The following GABRG1 variants were observed in gnomAD, a reference collection of about 807,000 sequenced individuals.
GABRG1 encodes gamma-aminobutyric acid type A receptor subunit gamma1.
In GABRG1, 49 loss-of-function variants were observed where a neutral mutation model predicts 49.8. That is an observed-to-expected ratio of 0.98 (90% CI 0.78 to 1.25). The LOEUF is 1.25. Among genes scored for constraint, GABRG1 ranks in the 50% most tolerant of loss-of-function variants. GABRG1 has a pLI of 0.00. For synonymous variants in GABRG1, 232 were observed against 185.1 expected (o/e 1.25, Z -2.06); for missense variants, 552 against 552.3 (o/e 1.00, Z 0.01).
At chr4:46,115,585 A>G (rs1720859145) in intron 1 of GABRG1, among the ~76,000 whole-genome samples, 1 of 150,854 alleles carries the variant, frequency 6.6e-6, no homozygotes, top group Non-Finnish European at 1.5e-5. Context: ...CAGAGCATGA[A>G]TAAGATTATA....
intron 8 of GABRG1, among the ~76,000 whole-genome samples, chr4:46,045,603 G>C (rs1035642049): frequency 3.6e-5 from 4 of 110,162 alleles, no homozygotes; most frequent in African/African-American, 1.2e-4. Flanking sequence ...AGTTTCTTAA[G>C]AAAAGAAAAA....
Position 46,040,028 on chromosome 4 carries a change from C to T in GABRG1, c.*960G>A, listed in dbSNP as rs1015206789. 4.0e-5 allele frequency: 6 copies of T among 151,696 alleles called. No individual in the cohort carries two copies. The South Asian group carries it at 8.3e-4, about 21-fold the overall frequency. The allele number at this position is 151,696 out of a possible 1,614,324, so 9.4% of individuals were successfully genotyped here. A position where few individuals can be genotyped will look rare whatever the true frequency, so the allele number is the denominator to read the frequency against. On this transcript the variant is annotated 3_prime_UTR_variant, in exon 9 of 9. Coordinates refer to ENST00000295452, the MANE Select transcript of GABRG1 (RefSeq NM_173536.4). Reference sequence around the variant, plus strand: ...TTTAAGATTTTGTCCTCAATATGACCGGCAACTCAGTTTGCCAGGTAATAA... The same window carrying T: ...TTTAAGATTTTGTCCTCAATATGACTGGCAACTCAGTTTGCCAGGTAATAA...
rs1024056094 is a variant in GABRG1, at chr4:46,040,007, A to G, written c.*981T>C. The G allele has an allele frequency of 3.9e-5, 6 of 151,990 alleles. No homozygotes were observed. The East Asian group carries it at 1.2e-3, about 29-fold the overall frequency. 9.4% of individuals were successfully genotyped at this position (151,990 alleles called of 1,614,324 possible). A position where few individuals can be genotyped will look rare whatever the true frequency, so the allele number is the denominator to read the frequency against. On this transcript the variant is annotated 3_prime_UTR_variant, in exon 9 of 9. Transcript: ENST00000295452. ...AAACAATGCTAATAGCACATATTTAAGATTTTGTCCTCAATATGACCGGCA... is the reference window on the plus strand; with the variant it reads ...AAACAATGCTAATAGCACATATTTAGGATTTTGTCCTCAATATGACCGGCA...
At chr4:46,123,490 G>A (rs941790995) in intron 1 of GABRG1, among the ~76,000 whole-genome samples, 2 of 152,016 alleles carry the variant, frequency 1.3e-5, no homozygotes, top group African/African-American at 2.4e-5. Flanking sequence ...CATTCATTCA[G>A]TAAATTTACT....
intron 4 of GABRG1, 117 bp from the exon 5 acceptor site, chr4:46,064,640 A>G (rs541051292): frequency 2.3e-6 from 1 of 442,944 alleles, no homozygotes; most frequent in African/African-American, 2.1e-5. Context: ...GACCTATTAG[A>G]ATATAATAAT....
chr4:46,097,586 T>G (rs940141327), intron 1 of GABRG1, among the ~76,000 whole-genome samples: 24 of 151,146 alleles, frequency 1.6e-4, no homozygotes, highest in African/African-American at 5.8e-4. Flanking sequence ...TAAAGTAAAT[T>G]TTGACCACTC....
chr4:46,088,648 A>G (rs1420214212), intron 2 of GABRG1, among the ~76,000 whole-genome samples: 2 of 151,918 alleles, frequency 1.3e-5, no homozygotes, highest in Non-Finnish European at 2.9e-5. Context: ...AAACCTGAGC[A>G]TTCGCATATA....
At position 46,123,805 on chromosome 4, in the gene GABRG1, C is replaced by G. The variant is rs1379577508; in HGVS notation, c.104+5G>C. On this transcript the variant is annotated splice_donor_5th_base_variant and intron_variant, in intron 1 of 8. Transcript: ENST00000295452. ...GAATAGTTTTAAACCCCTGAATTTA[C>G]TCACCAGTTTCCCAAATGCAGGGTC... The G allele has an allele frequency of 6.2e-7, 1 of 1,603,772 alleles. No homozygotes were observed. The highest frequency in any genetic ancestry group is 8.5e-7 in the Non-Finnish European group (1 of 1,170,952).
intron 2 of GABRG1, among the ~76,000 whole-genome samples, chr4:46,091,944 A>G (rs1720005535): frequency 1.3e-5 from 2 of 152,092 alleles, no homozygotes. Context: ...AATACATTTT[A>G]TCTTCAAAAT....
chr4:46,111,248 A>G (rs1720704112), intron 1 of GABRG1, among the ~76,000 whole-genome samples: 1 of 151,068 alleles, frequency 6.6e-6, no homozygotes, highest in Admixed American at 6.6e-5. Context: ...CCCATTTACA[A>G]TAGCCACAAA....
chr4:46,063,115 T>C (rs954027906), intron 5 of GABRG1, among the ~76,000 whole-genome samples: 2 of 151,660 alleles, frequency 1.3e-5, no homozygotes, highest in African/African-American at 2.4e-5. Context: ...ATAGATTCAA[T>C]GCCATCCCCA....
Position 46,039,280 on chromosome 4 carries a change from C to T in GABRG1, c.*1708G>A, listed in dbSNP as rs578129628. 6.6e-6 allele frequency: 1 copy of T among 150,560 alleles called. No homozygotes were observed. The highest frequency in any genetic ancestry group is 1.5e-5 in the Non-Finnish European group (1 of 67,496). The allele number at this position is 150,560 out of a possible 1,614,324, so 9.3% of individuals were successfully genotyped here. ...CAGTGTCGGTGGATATTGGGCATTACCATTTGATTCATGCTTATTTTTTTC... is the reference window on the plus strand; with the variant it reads ...CAGTGTCGGTGGATATTGGGCATTATCATTTGATTCATGCTTATTTTTTTC... On this transcript the variant is annotated 3_prime_UTR_variant, in exon 9 of 9. Transcript: ENST00000295452.
chr4:46,072,905 G>A (rs1173718284), intron 3 of GABRG1, among the ~76,000 whole-genome samples: 4 of 151,946 alleles, frequency 2.6e-5, no homozygotes, highest in East Asian at 3.9e-4. Flanking sequence ...GATTTAAAAC[G>A]GAGCAGTTCT....
At chr4:46,053,763 A>T (rs1718333880) in intron 7 of GABRG1, among the ~76,000 whole-genome samples, 1 of 152,054 alleles carries the variant, frequency 6.6e-6, no homozygotes, top group Non-Finnish European at 1.5e-5. Flanking sequence ...AATAAGGCAA[A>T]AAAACTAAGC....
At chr4:46,116,850 T>A (rs1720909538) in intron 1 of GABRG1, among the ~76,000 whole-genome samples, 1 of 150,842 alleles carries the variant, frequency 6.6e-6, no homozygotes, top group Admixed American at 6.6e-5. Flanking sequence ...TCTGAATTAA[T>A]ACTTAAGTTC....
chr4:46,117,741 C>CTGT (rs1425499185), intron 1 of GABRG1, among the ~76,000 whole-genome samples: 6 of 141,906 alleles, frequency 4.2e-5, no homozygotes, highest in Admixed American at 7.2e-5. Context: ...TATACATATA[C>CTGT]ACATATACAT....
intron 3 of GABRG1, among the ~76,000 whole-genome samples, chr4:46,072,183 G>T (rs1310380254): frequency 6.6e-6 from 1 of 151,966 alleles, no homozygotes; most frequent in Non-Finnish European, 1.5e-5. Context: ...TTCTTTACAG[G>T]TTTGTATCCT....
At chr4:46,082,778 C>T (rs565704980) in intron 3 of GABRG1, among the ~76,000 whole-genome samples, 4 of 151,784 alleles carry the variant, frequency 2.6e-5, no homozygotes, top group African/African-American at 9.6e-5. Context: ...TTTGCTCCTA[C>T]CCTTCTGACT....
At chr4:46,091,842 T>C (rs1216442690) in intron 2 of GABRG1, among the ~76,000 whole-genome samples, 2 of 152,028 alleles carry the variant, frequency 1.3e-5, no homozygotes, top group Non-Finnish European at 2.9e-5. Flanking sequence ...AACTCCTCAA[T>C]ATAAATATGA....
Sources: gnomAD v4.1 joint callset for allele counts (sites outside exome capture counted in the v4.1 genomes callset) on GRCh38, gnomAD v4.1.1 for gene constraint, MANE v1.5 for transcripts, NCBI Gene and HGNC (gene_info 2026-07-23, HGNC 2026-07-21) for gene names.